CRACD: variants seen among roughly 807,000 people sequenced by gnomAD.
The protein encoded by CRACD is capping protein inhibiting regulator of actin dynamics, also known as capping protein-inhibiting regulator of actin dynamics.
In CRACD, 56 loss-of-function variants were observed where a neutral mutation model predicts 106.8. The observed-to-expected ratio is 0.52, with a 90% CI of 0.42 to 0.66. CRACD has a LOEUF of 0.66. CRACD is among the 30% of genes least tolerant of loss of function. The pLI, the probability that CRACD is intolerant of heterozygous loss-of-function variation, is 0.00. For missense variants in CRACD, 1,730 were observed against 1,623.2 expected (o/e 1.07, Z -1.13); for synonymous variants, 754 against 670.8 (o/e 1.12, Z -1.92).
intron 2 of CRACD, among the ~76,000 whole-genome samples, chr4:56,202,828 A>G (rs2109476771): frequency 6.6e-6 from 1 of 152,328 alleles, no homozygotes; most frequent in African/African-American, 2.4e-5. Context: ...GAATATAAAG[A>G]TTATAATAAA....
chr4:56,269,467 G>C (rs1483110055), intron 2 of CRACD, among the ~76,000 whole-genome samples: 2 of 152,038 alleles, frequency 1.3e-5, no homozygotes, highest in East Asian at 3.9e-4. Flanking sequence ...TTGCCTTCTG[G>C]GGAGGCTTCA....
chr4:56,296,688 G>A (rs1744057427), intron 3 of CRACD, among the ~76,000 whole-genome samples: 1 of 152,152 alleles, frequency 6.6e-6, no homozygotes, highest in African/African-American at 2.4e-5. Context: ...GGGGAAGGAG[G>A]AGGTTGTGCT....
At chr4:56,219,451 G>A (rs555638129) in intron 2 of CRACD, among the ~76,000 whole-genome samples, 93 of 152,244 alleles carry the variant, frequency 6.1e-4, no homozygotes, top group African/African-American at 2.2e-3. Context: ...GGATTGAAGC[G>A]ATTCTTGTGC....
intron 5 of CRACD, 74 bp from the exon 6 acceptor site, chr4:56,310,592 A>T: frequency 9.2e-7 from 1 of 1,091,434 alleles, no homozygotes; most frequent in Non-Finnish European, 1.4e-6. Flanking sequence ...CTACCCAGGC[A>T]CAGACAGTGT....
intron 1 of CRACD, among the ~76,000 whole-genome samples, chr4:56,065,078 C>A (rs1577939630): frequency 6.9e-6 from 1 of 144,260 alleles, no homozygotes; most frequent in Non-Finnish European, 1.5e-5. Flanking sequence ...TGCCATGAGT[C>A]TTTTTTAAAT....
At chr4:56,175,347 C>T (rs1736539148) in intron 1 of CRACD, among the ~76,000 whole-genome samples, 1 of 152,126 alleles carries the variant, frequency 6.6e-6, no homozygotes, top group African/African-American at 2.4e-5. Context: ...TACTTCCTAT[C>T]TTTTTGTTAA....
intron 1 of CRACD, among the ~76,000 whole-genome samples, chr4:56,064,590 T>G (rs11732604): frequency 0.029 from 4,360 of 152,286 alleles, 136 homozygotes; most frequent in East Asian, 0.08. Flanking sequence ...CCACCTTCTC[T>G]GGGAACTGTG....
chr4:56,159,019 A>G (rs1194686099), intron 1 of CRACD, among the ~76,000 whole-genome samples: 1 of 152,214 alleles, frequency 6.6e-6, no homozygotes, highest in Admixed American at 6.5e-5. Flanking sequence ...GTCCCATGCC[A>G]GAGTGGTTGC....
At position 56,242,488 on chromosome 4, in the gene CRACD, G is replaced by C. The variant is rs76493688; in HGVS notation, c.-188-29833G>C. ...AGACATGCAAGCTTTGGTGACACTA[G>C]GAGGCGTGTAGCCCTGAACTAGGAT... On this transcript the variant is annotated intron_variant, in intron 2 of 10. Transcript: ENST00000682029. Among the ~76,000 whole-genome samples the C allele has an allele frequency of 2.2e-4, 33 of 152,226 alleles. No individual in the cohort carries two copies. In the East Asian group the frequency reaches 6.4e-3, roughly 29 times the overall value.
At chr4:56,266,125 G>A (rs1742008320) in intron 2 of CRACD, among the ~76,000 whole-genome samples, 1 of 151,458 alleles carries the variant, frequency 6.6e-6, no homozygotes, top group Admixed American at 6.6e-5. Flanking sequence ...ATTCAATTCA[G>A]TACTTAAAAA....
chr4:56,115,832 G>A (rs1054639555), intron 1 of CRACD, among the ~76,000 whole-genome samples: 4 of 152,180 alleles, frequency 2.6e-5, no homozygotes, highest in Admixed American at 1.3e-4. Flanking sequence ...TAGCTAGAAC[G>A]ACCAGTGTTA....
chr4:56,092,716 T>C (rs1733462522), intron 1 of CRACD, among the ~76,000 whole-genome samples: 1 of 152,076 alleles, frequency 6.6e-6, no homozygotes, highest in Non-Finnish European at 1.5e-5. Context: ...ATCCTCCCAC[T>C]TCAGTCTTCC....
At chr4:56,159,749 T>TA (rs1412752135) in intron 1 of CRACD, among the ~76,000 whole-genome samples, 3 of 152,198 alleles carry the variant, frequency 2.0e-5, no homozygotes, top group Admixed American at 1.3e-4. Flanking sequence ...CTCCTTGAGT[T>TA]AAAAAATATT....
Position 56,314,758 on chromosome 4 carries a change from T to C in CRACD, c.1256T>C (p.Leu419Pro). 3 of 1,589,130 alleles carry C rather than the reference T, an allele frequency of 1.9e-6. No homozygotes were observed. The highest frequency in any genetic ancestry group is 2.6e-6 in the Non-Finnish European group (3 of 1,169,114). The change falls in exon 8 of 11, where the codon CTC (leucine) becomes CCC (proline). Residue 419 changes from leucine to proline, a missense_variant. Leu to Pro is a moderately conservative substitution (Grantham distance 98, BLOSUM62 -3). Transcript: ENST00000682029. This position sits in a 1 kb window ranked among gnomAD's most constrained non-coding sequence, Gnocchi z 4.4. ...QAHLEDWRGQ[L>P]SELLNDFEER... ...CACCTGGAGGACTGGAGGGGGCAGC[T>C]CAGTGAGCTTCTGAACGACTTTGAG...
Position 56,314,425 on chromosome 4 carries a change from G to T in CRACD, c.923G>T (p.Arg308Leu). The T allele has an allele frequency of 6.5e-7, 1 of 1,542,746 alleles. No individual in the cohort carries two copies. The highest frequency in any genetic ancestry group is 8.7e-7 in the Non-Finnish European group (1 of 1,143,438). Residue 308 changes from arginine to leucine, a missense_variant, in exon 8 of 11, where the codon CGT becomes CTT. Arg to Leu is a moderately radical substitution (Grantham distance 102, BLOSUM62 -2). Coordinates refer to ENST00000682029, the MANE Select transcript of CRACD (RefSeq NM_001393381.1). The surrounding 1 kb of genome is among the most constrained non-coding windows in gnomAD (Gnocchi z 4.4). ...TGGGAGGACGCGGAGCGGAGGGAGC[G>T]TGAGGAGCGCGAGCGCCTGGAGGCG... is the stretch of plus-strand genomic sequence containing the variant. ...PGWEDAERREREERERLEAEE... is the reference protein window; with the variant it reads ...PGWEDAERRELEERERLEAEE...
At chr4:56,058,002 A>T (rs1044493934) in intron 1 of CRACD, among the ~76,000 whole-genome samples, 1 of 140,864 alleles carries the variant, frequency 7.1e-6, no homozygotes, top group African/African-American at 2.9e-5. Flanking sequence ...GTATTTTTTT[A>T]GTAGAGACGG....
At chr4:56,279,108 A>G (rs566096790) in intron 3 of CRACD, among the ~76,000 whole-genome samples, 21 of 152,288 alleles carry the variant, frequency 1.4e-4, no homozygotes, top group African/African-American at 5.1e-4. Context: ...CACTTTATAA[A>G]TGGGGAAACA....
chr4:56,065,524 TGA>T (rs1732436710), intron 1 of CRACD, among the ~76,000 whole-genome samples: 1 of 152,222 alleles, frequency 6.6e-6, no homozygotes, highest in Admixed American at 6.5e-5. Context: ...AGGTAAGCCC[TGA>T]CTCCTTGGTA....
intron 2 of CRACD, among the ~76,000 whole-genome samples, chr4:56,205,562 G>A (rs896611025): frequency 6.6e-6 from 1 of 151,766 alleles, no homozygotes; most frequent in Non-Finnish European, 1.5e-5. Flanking sequence ...ATGCATATAT[G>A]TGTGTGTGTG....
Sources: allele counts gnomAD v4.1 joint callset (sites outside exome capture counted in the v4.1 genomes callset), GRCh38; gene constraint gnomAD v4.1.1; non-coding constraint Gnocchi (gnomAD v3.1); transcripts MANE v1.5; gene names NCBI Gene and HGNC (gene_info 2026-07-23, HGNC 2026-07-21).